The following CNTNAP2 variants were observed in gnomAD, a reference collection of about 807,000 sequenced individuals.
CNTNAP2 encodes contactin associated protein 2, also known as contactin-associated protein-like 2.
Under a neutral mutation model 155.2 loss-of-function variants are expected in CNTNAP2, and 98 were observed. The ratio of observed to expected loss-of-function variants is 0.63; its 90% CI spans 0.54 to 0.75. The LOEUF is 0.75. CNTNAP2 is among the 30% of genes least tolerant of loss of function. The pLI is 0.00. For synonymous variants in CNTNAP2, 651 were observed against 631.2 expected (o/e 1.03, Z -0.47); for missense variants, 1,727 against 1,688.1 (o/e 1.02, Z -0.40).
At chr7:147,094,082 C>T (rs145136512) in intron 4 of CNTNAP2, among the ~76,000 whole-genome samples, 5 of 152,162 alleles carry the variant, frequency 3.3e-5, no homozygotes, top group East Asian at 3.9e-4. Flanking sequence ...GTTTTGATGG[C>T]GGCAAAACTT....
chr7:147,283,161 C>T (rs1805084146), intron 8 of CNTNAP2, among the ~76,000 whole-genome samples: 1 of 151,836 alleles, frequency 6.6e-6, no homozygotes, highest in South Asian at 2.1e-4. Context: ...ATACCCCCAT[C>T]TAATGAGTTT....
At chr7:147,566,863 T>TGAGGGTAAGTAGAGA (rs1302034418) in intron 12 of CNTNAP2, among the ~76,000 whole-genome samples, 1 of 152,120 alleles carries the variant, frequency 6.6e-6, no homozygotes, top group East Asian at 1.9e-4. Flanking sequence ...TGGAAAAATA[T>TGAGGGTAAGTAGAGA]ACATAATTGA....
In CNTNAP2 at chr7:148,415,610, C is replaced by CATTTG; in HGVS notation, c.3992_3996dup. ...TTGATGAAAGCAAAAAGGAATGGCT[C>CATTTG]ATTTGAGGGGTGGCTACTTGGCTAT... On this transcript the variant is annotated frameshift_variant, in exon 24 of 24. Coordinates refer to ENST00000361727, the MANE Select transcript of CNTNAP2 (RefSeq NM_014141.6). LOFTEE classifies it high-confidence loss of function. 1 of 1,614,078 alleles carries CATTTG rather than the reference C, an allele frequency of 6.2e-7. No homozygotes were observed. The highest frequency in any genetic ancestry group is 8.5e-7 in the Non-Finnish European group (1 of 1,180,002).
At chr7:148,032,947 G>A (rs1281739705) in intron 15 of CNTNAP2, among the ~76,000 whole-genome samples, 5 of 152,082 alleles carry the variant, frequency 3.3e-5, no homozygotes. Flanking sequence ...TTCATGAAAG[G>A]CACAGAGTGA....
At chr7:147,732,711 T>C (rs1181515999) in intron 13 of CNTNAP2, among the ~76,000 whole-genome samples, 1 of 152,222 alleles carries the variant, frequency 6.6e-6, no homozygotes, top group Non-Finnish European at 1.5e-5. Context: ...GTTTCCTGAC[T>C]TTTTAATGAC....
intron 10 of CNTNAP2, among the ~76,000 whole-genome samples, chr7:147,435,787 G>A (rs1797539503): frequency 6.6e-6 from 1 of 152,146 alleles, no homozygotes; most frequent in Admixed American, 6.5e-5. Flanking sequence ...GGGCCATGGT[G>A]TCTTCATCTG....
rs147911937 is a variant in CNTNAP2, at chr7:146,791,596, G to C, written c.208+17215G>C. On this transcript the variant is annotated intron_variant, in intron 2 of 23. Coordinates refer to ENST00000361727, the MANE Select transcript of CNTNAP2 (RefSeq NM_014141.6). ...GCACACAGTCAGTGGTTATGACAGAGATAAAGAATGCTGATGCTTTGTTAC... is the reference window on the plus strand; with the variant it reads ...GCACACAGTCAGTGGTTATGACAGACATAAAGAATGCTGATGCTTTGTTAC... 2.2e-3 allele frequency among the ~76,000 whole-genome samples: 338 copies of C among 152,314 alleles called. 2 individuals are homozygous for C. The highest frequency in any genetic ancestry group is 7.7e-3 in the African/African-American group (321 of 41,572).
At chr7:147,732,772 T>C (rs1273896478) in intron 13 of CNTNAP2, among the ~76,000 whole-genome samples, 2 of 152,258 alleles carry the variant, frequency 1.3e-5, no homozygotes, top group African/African-American at 4.8e-5. Flanking sequence ...TTGATTTGCA[T>C]TTCTCTGATG....
At chr7:146,403,839 A>G (rs1205191464) in intron 1 of CNTNAP2, among the ~76,000 whole-genome samples, 2 of 152,170 alleles carry the variant, frequency 1.3e-5, no homozygotes, top group Non-Finnish European at 2.9e-5. Context: ...GTTTCGGTGT[A>G]CTGAGATTCA....
At chr7:147,303,148 C>G (rs775857349) in intron 9 of CNTNAP2, among the ~76,000 whole-genome samples, 2 of 152,218 alleles carry the variant, frequency 1.3e-5, no homozygotes, top group African/African-American at 2.4e-5. Flanking sequence ...CATCTTCACA[C>G]AAGGCTGGGT....
intron 10 of CNTNAP2, among the ~76,000 whole-genome samples, chr7:147,440,015 C>T (rs1325205273): frequency 2.6e-5 from 4 of 151,804 alleles, no homozygotes; most frequent in African/African-American, 9.7e-5. Context: ...CTTTTTTCAT[C>T]CATTCAGCCA....
chr7:147,940,303 T>TTAAAAAAA (rs528042669), intron 14 of CNTNAP2: 20 of 91,696 alleles, frequency 2.2e-4, no homozygotes, highest in South Asian at 4.2e-4. Flanking sequence ...CCTGTCTCTT[T>TTAAAAAAA]AAAAAAAAAA....
At chr7:147,366,981 T>C (rs1796242982) in intron 9 of CNTNAP2, among the ~76,000 whole-genome samples, 1 of 152,206 alleles carries the variant, frequency 6.6e-6, no homozygotes, top group South Asian at 2.1e-4. Flanking sequence ...ATTATTTATA[T>C]ATCTTTAGAT....
chr7:146,281,938 G>A (rs1800258665), intron 1 of CNTNAP2, among the ~76,000 whole-genome samples: 1 of 151,984 alleles, frequency 6.6e-6, no homozygotes, highest in Admixed American at 6.6e-5. Flanking sequence ...AATAAAGATG[G>A]GACATTCTAT....
chr7:148,340,075 A>G (rs566551754), intron 21 of CNTNAP2, among the ~76,000 whole-genome samples: 5 of 151,912 alleles, frequency 3.3e-5, no homozygotes, highest in African/African-American at 1.2e-4. Flanking sequence ...CACACTTTTC[A>G]GGAGCATCTT....
chr7:147,772,419 A>G (rs892843842), intron 13 of CNTNAP2, among the ~76,000 whole-genome samples: 5 of 135,672 alleles, frequency 3.7e-5, no homozygotes, highest in Non-Finnish European at 7.8e-5. Flanking sequence ...ATATATATAT[A>G]TAATATATAT....
At position 146,316,459 on chromosome 7, in the gene CNTNAP2, A is replaced by G. The variant is rs567169343; in HGVS notation, c.97+199486A>G. ...GGATCCTGATGAGTCAAGTAGAGAC[A>G]AGGTAAGAGTCATATTGGTTATTTA... On this transcript the variant is annotated intron_variant, in intron 1 of 23. Transcript: ENST00000361727. Among the ~76,000 whole-genome samples the G allele has an allele frequency of 3.9e-4, 59 of 152,264 alleles. No homozygotes were observed. The South Asian group carries it at 0.012, about 30-fold the overall frequency.
chr7:146,140,689 T>C (rs898878470), intron 1 of CNTNAP2, among the ~76,000 whole-genome samples: 2 of 152,070 alleles, frequency 1.3e-5, no homozygotes, highest in African/African-American at 4.8e-5. Flanking sequence ...TGATAATGGA[T>C]CTTCACTTAA....
chr7:147,825,038 G>A (rs865878872), intron 13 of CNTNAP2, among the ~76,000 whole-genome samples: 18 of 152,036 alleles, frequency 1.2e-4, no homozygotes, highest in African/African-American at 4.3e-4. Flanking sequence ...TTATACTGAA[G>A]GTAAAATGCT....
Sources: gnomAD v4.1 joint callset for allele counts (sites outside exome capture counted in the v4.1 genomes callset) on GRCh38, gnomAD v4.1.1 for gene constraint, MANE v1.5 for transcripts, NCBI Gene and HGNC (gene_info 2026-07-23, HGNC 2026-07-21) for gene names.